NLGN1: variants seen among roughly 807,000 people sequenced by gnomAD.
The protein encoded by NLGN1 is neuroligin-1.
NLGN1 carries 12 observed loss-of-function variants against 65.5 expected under a neutral mutation model. The ratio of observed to expected loss-of-function variants is 0.18; its 90% CI spans 0.12 to 0.30. NLGN1 has a LOEUF of 0.30. NLGN1 is among the 10% of genes least tolerant of loss of function. The pLI is 1.00. For missense variants in NLGN1, 750 were observed against 1,007.1 expected, an observed-to-expected ratio of 0.74 and a Z score of 3.46; for synonymous variants, 350 against 359.5, an observed-to-expected ratio of 0.97 and a Z score of 0.30.
At chr3:173,881,097 T>TG (rs912945064) in intron 4 of NLGN1, among the ~76,000 whole-genome samples, 1 of 140,550 alleles carries the variant, frequency 7.1e-6, no homozygotes, top group African/African-American at 2.7e-5. Flanking sequence ...TCCTTTTTTT[T>TG]TTTTTTTTTT....
intron 3 of NLGN1, among the ~76,000 whole-genome samples, chr3:173,654,938 T>G (rs1438705202): frequency 9.2e-5 from 14 of 152,178 alleles, no homozygotes. Context: ...GTGTATACAG[T>G]GTGGTCACAG....
chr3:173,773,666 G>A (rs1424767767), intron 3 of NLGN1, among the ~76,000 whole-genome samples: 1 of 152,116 alleles, frequency 6.6e-6, no homozygotes, highest in African/African-American at 2.4e-5. Context: ...TCTTTTCAAT[G>A]CTGGAGATAT....
intron 4 of NLGN1, among the ~76,000 whole-genome samples, chr3:174,043,111 C>G (rs1732723852): frequency 6.6e-6 from 1 of 152,118 alleles, no homozygotes; most frequent in Non-Finnish European, 1.5e-5. Flanking sequence ...ACTCACTCAC[C>G]ATCATGAGAA....
intron 3 of NLGN1, among the ~76,000 whole-genome samples, chr3:173,623,982 A>G (rs1464841791): frequency 1.3e-5 from 2 of 152,112 alleles, no homozygotes; most frequent in African/African-American, 2.4e-5. Context: ...TCTTTTTTCA[A>G]ATACAAATAG....
chr3:173,608,176 A>C (rs1398614320), intron 3 of NLGN1, among the ~76,000 whole-genome samples: 1 of 151,842 alleles, frequency 6.6e-6, no homozygotes, highest in Non-Finnish European at 1.5e-5. Flanking sequence ...CATTTACAAT[A>C]TTTTCCTGCA....
chr3:173,739,694 A>G (rs1308419216), intron 3 of NLGN1, among the ~76,000 whole-genome samples: 1 of 152,130 alleles, frequency 6.6e-6, no homozygotes, highest in African/African-American at 2.4e-5. Context: ...AAAATGGCAA[A>G]ATATAAATGT....
At chr3:174,214,674 A>G (rs905445499) in intron 4 of NLGN1, among the ~76,000 whole-genome samples, 17 of 152,166 alleles carry the variant, frequency 1.1e-4, no homozygotes, top group Admixed American at 7.9e-4. Flanking sequence ...AAAATTCTCC[A>G]TATTATAGTA....
chr3:173,789,987 T>C lies in NLGN1; in HGVS notation c.494-17693T>C, dbSNP rs1712313092. ...CTTGTCTTTTTTTAATCCTTTGTTGTCATAACCATGCCTTTCTTTCCTCAT... is the reference window on the plus strand; with the variant it reads ...CTTGTCTTTTTTTAATCCTTTGTTGCCATAACCATGCCTTTCTTTCCTCAT... On this transcript the variant is annotated intron_variant, in intron 3 of 6. Coordinates refer to ENST00000457714, the Ensembl canonical transcript of NLGN1. 7.1e-6 allele frequency: 3 copies of C among 419,936 alleles called. No individual in the cohort carries two copies. The Admixed American group carries it at 8.3e-5, about 12-fold the overall frequency. The allele number at this position is 419,936 out of a possible 1,614,324, so 26.0% of individuals were successfully genotyped here. A position where few individuals can be genotyped will look rare whatever the true frequency, so the allele number is the denominator to read the frequency against.
At chr3:173,576,913 A>G (rs1180504261) in intron 2 of NLGN1, among the ~76,000 whole-genome samples, 1 of 152,178 alleles carries the variant, frequency 6.6e-6, no homozygotes, top group Non-Finnish European at 1.5e-5. Context: ...TTTAAGATCA[A>G]CGAAACGGTA....
intron 4 of NLGN1, among the ~76,000 whole-genome samples, chr3:174,265,453 C>A (rs1747876719): frequency 6.6e-6 from 1 of 152,122 alleles, no homozygotes. Context: ...CCAGGTGCGT[C>A]CGTCACCCCT....
At chr3:173,595,813 C>T (rs1749383561) in intron 2 of NLGN1, among the ~76,000 whole-genome samples, 1 of 152,186 alleles carries the variant, frequency 6.6e-6, no homozygotes. Context: ...GAGGAAGATG[C>T]AAAAGCAGAA....
chr3:173,793,134 A>T (rs1713182487), intron 3 of NLGN1, among the ~76,000 whole-genome samples: 2 of 152,126 alleles, frequency 1.3e-5, no homozygotes, highest in Non-Finnish European at 2.9e-5. Flanking sequence ...GCCACTATTA[A>T]TAACTACAAC....
intron 3 of NLGN1, among the ~76,000 whole-genome samples, chr3:173,624,712 AGAAG>A (rs947060215): frequency 6.6e-6 from 1 of 152,154 alleles, no homozygotes; most frequent in Non-Finnish European, 1.5e-5. Context: ...AAGAATGAGC[AGAAG>A]GTTTCTCAAT....
intron 4 of NLGN1, among the ~76,000 whole-genome samples, chr3:173,896,598 T>C (rs551201664): frequency 6.6e-6 from 1 of 152,336 alleles, no homozygotes; most frequent in South Asian, 2.1e-4. Flanking sequence ...AATATGAGCA[T>C]CTGGAGCAAA....
At chr3:173,878,716 G>GTA (rs1320849646) in intron 4 of NLGN1, among the ~76,000 whole-genome samples, 6 of 151,018 alleles carry the variant, frequency 4.0e-5, no homozygotes, top group African/African-American at 1.2e-4. Context: ...ATATAAGTGT[G>GTA]TATATATATA....
chr3:174,036,114 A>C (rs1473027232), intron 4 of NLGN1, among the ~76,000 whole-genome samples: 1 of 152,224 alleles, frequency 6.6e-6, no homozygotes, highest in Non-Finnish European at 1.5e-5. Flanking sequence ...TATAAATATT[A>C]TTCTTCAACT....
chr3:173,886,401 A>C (rs1360241393), intron 4 of NLGN1, among the ~76,000 whole-genome samples: 1 of 152,074 alleles, frequency 6.6e-6, no homozygotes, highest in African/African-American at 2.4e-5. Context: ...AAAGAAGAAG[A>C]AGCAAATGTG....
At chr3:173,821,819 T>TTAA (rs1720363931) in intron 4 of NLGN1, among the ~76,000 whole-genome samples, 1 of 152,190 alleles carries the variant, frequency 6.6e-6, no homozygotes, top group South Asian at 2.1e-4. Context: ...ATCTTGTTAT[T>TTAA]TAGGAAAGTA....
At chr3:174,100,868 A>G (rs1408305392) in intron 4 of NLGN1, among the ~76,000 whole-genome samples, 1 of 151,730 alleles carries the variant, frequency 6.6e-6, no homozygotes, top group Non-Finnish European at 1.5e-5. Flanking sequence ...TCAACATTTC[A>G]TTTATTTAGC....
Sources: allele counts gnomAD v4.1 joint callset (sites outside exome capture counted in the v4.1 genomes callset), GRCh38; gene constraint gnomAD v4.1.1; transcripts MANE v1.5; gene names NCBI Gene and HGNC (gene_info 2026-07-23, HGNC 2026-07-21).